The following TOX2 variants were observed in gnomAD, a reference collection of about 807,000 sequenced individuals.
The protein encoded by TOX2 is granulosa cell HMG box 1.
TOX2 carries 15 observed loss-of-function variants against 47.4 expected under a neutral mutation model. The observed-to-expected ratio is 0.32, with a 90% CI of 0.21 to 0.49. The LOEUF (loss-of-function observed/expected upper bound fraction) is 0.49. Among genes scored for constraint, TOX2 ranks in the 20% least tolerant of loss-of-function variants. TOX2 has a pLI of 0.99. For synonymous variants in TOX2, 290 were observed against 296.6 expected, an observed-to-expected ratio of 0.98 and a Z score of 0.23; for missense variants, 622 against 673.1, an observed-to-expected ratio of 0.92 and a Z score of 0.84.
intron 1 of TOX2, among the ~76,000 whole-genome samples, chr20:43,921,058 T>C (rs1215403887): frequency 2.0e-5 from 3 of 152,198 alleles, no homozygotes; most frequent in African/African-American, 7.2e-5. Context: ...GCTGTTGTCA[T>C]CTGAAGACTT....
At chr20:43,963,521 A>G (rs562398569) in intron 1 of TOX2, among the ~76,000 whole-genome samples, 1 of 152,120 alleles carries the variant, frequency 6.6e-6, no homozygotes, top group Non-Finnish European at 1.5e-5. Context: ...TACTCTTAGG[A>G]GTCAGCAGCC....
chr20:44,048,709 G>A (rs1317633363), intron 3 of TOX2, among the ~76,000 whole-genome samples: 1 of 151,454 alleles, frequency 6.6e-6, no homozygotes, highest in Non-Finnish European at 1.5e-5. Context: ...CAAACATACA[G>A]GCAAGGACAG....
intron 2 of TOX2, among the ~76,000 whole-genome samples, chr20:44,003,275 A>T (rs1305957591): frequency 6.7e-6 from 1 of 149,944 alleles, no homozygotes; most frequent in East Asian, 2.0e-4. Context: ...CAGCCTTGAC[A>T]TCCTGGGCTC....
chr20:43,951,705 A>ATTTTTTTTTTTTTTTTT (rs1212223106), intron 1 of TOX2, among the ~76,000 whole-genome samples: 4 of 30,392 alleles, frequency 1.3e-4, no homozygotes, highest in Non-Finnish European at 2.0e-4. Context: ...TAAACTTATT[A>ATTTTTTTTTTTTTTTTT]TGTTTTTTTT....
intron 5 of TOX2, 103 bp from the exon 6 acceptor site, chr20:44,064,674 T>A: frequency 9.1e-7 from 1 of 1,100,050 alleles, no homozygotes; most frequent in Non-Finnish European, 1.3e-6. Context: ...ACCACCCTCG[T>A]CCATTCGTGA....
rs116349653 is a variant in TOX2, at chr20:44,016,720, G to A, written c.411+9928G>A. ...TGCTGTTCGCTCTGCTGAGAAGGCT[G>A]TTCCACCTTGTCCACCCAGTGAACT... On this transcript the variant is annotated intron_variant, in intron 3 of 8. Coordinates refer to ENST00000341197, the MANE Select transcript of TOX2 (RefSeq NM_001098797.2). 5.6e-3 allele frequency among the ~76,000 whole-genome samples: 848 copies of A among 152,298 alleles called. 6 individuals are homozygous for A. Among genetic ancestry groups the A allele is most frequent in the African/African-American group, 0.02 (817 of 41,548 alleles).
chr20:44,000,773 T>C (rs758769086), intron 2 of TOX2, among the ~76,000 whole-genome samples: 34 of 152,070 alleles, frequency 2.2e-4, no homozygotes, highest in African/African-American at 7.7e-4. Flanking sequence ...TGGCCTGTGA[T>C]GTTGGCCATG....
At chr20:44,052,209 G>A (rs1401239046) in intron 4 of TOX2, among the ~76,000 whole-genome samples, 1 of 152,186 alleles carries the variant, frequency 6.6e-6, no homozygotes, top group Non-Finnish European at 1.5e-5. Context: ...CATTCCTGGA[G>A]TCTAGAGTGG....
rs1569132913 is a variant in TOX2 at position 44,048,391 on chromosome 20, TA to T, written c.412-2914del. Among the ~76,000 whole-genome samples, 15 of 122,910 alleles carry T rather than the reference TA, an allele frequency of 1.2e-4. 1 individual carries two copies. Among genetic ancestry groups the T allele is most frequent in the African/African-American group, 4.9e-4 (15 of 30,766 alleles). 80.6% of individuals were successfully genotyped at this position (122,910 alleles called of 152,430 possible). The stretch of plus-strand genomic sequence containing the variant: ...TTAGTATCTGGATAAAATGAATTTA[TA>T]TATATATATATATATATATATGTAT... On this transcript the variant is annotated intron_variant, in intron 3 of 8. Coordinates refer to ENST00000341197, the MANE Select transcript of TOX2 (RefSeq NM_001098797.2).
At chr20:43,920,354 A>G (rs563503208) in intron 1 of TOX2, among the ~76,000 whole-genome samples, 119 of 152,234 alleles carry the variant, frequency 7.8e-4, no homozygotes, top group African/African-American at 2.8e-3. Context: ...TATGGACTTG[A>G]TCTGGACTTG....
At chr20:44,007,866 T>C (rs1291518154) in intron 3 of TOX2, among the ~76,000 whole-genome samples, 1 of 152,092 alleles carries the variant, frequency 6.6e-6, no homozygotes, top group Non-Finnish European at 1.5e-5. Context: ...CCCCCTGAAA[T>C]CTTCAGCCCT....
intron 1 of TOX2, among the ~76,000 whole-genome samples, chr20:43,919,188 A>G (rs1021383909): frequency 2.0e-5 from 3 of 152,222 alleles, no homozygotes; most frequent in Non-Finnish European, 4.4e-5. Flanking sequence ...TCATTCTACC[A>G]AAAATATTTA....
At chr20:43,985,702 C>G (rs146637811) in intron 2 of TOX2, among the ~76,000 whole-genome samples, 287 of 152,258 alleles carry the variant, frequency 1.9e-3, no homozygotes, top group African/African-American at 6.6e-3. Flanking sequence ...GGTACATACT[C>G]AGCCCCAAGT....
chr20:43,991,027 G>A (rs775393466), intron 2 of TOX2, among the ~76,000 whole-genome samples: 11 of 152,124 alleles, frequency 7.2e-5, no homozygotes, highest in Admixed American at 2.0e-4. Context: ...TGTGTGCCTG[G>A]GTACCTGCAT....
At chr20:43,959,910 A>G (rs761862938) in intron 1 of TOX2, among the ~76,000 whole-genome samples, 3 of 152,192 alleles carry the variant, frequency 2.0e-5, no homozygotes, top group African/African-American at 4.8e-5. Context: ...ATGGGAGGTA[A>G]CGGGGCAAGA....
chr20:43,996,877 T>A (rs1018229668), intron 2 of TOX2, among the ~76,000 whole-genome samples: 12 of 152,108 alleles, frequency 7.9e-5, no homozygotes, highest in African/African-American at 2.9e-4. Context: ...TAACTCTCAA[T>A]ACATGAGAGT....
chr20:43,946,797 T>G (rs1177308960), intron 1 of TOX2, among the ~76,000 whole-genome samples: 1 of 152,114 alleles, frequency 6.6e-6, no homozygotes, highest in Non-Finnish European at 1.5e-5. Flanking sequence ...GGAGGCTATC[T>G]TGGTGATGGG....
At chr20:43,953,502 A>T (rs187629191) in intron 1 of TOX2, among the ~76,000 whole-genome samples, 1 of 151,422 alleles carries the variant, frequency 6.6e-6, no homozygotes, top group African/African-American at 2.4e-5. Context: ...ACTCTCAGCC[A>T]CTCTTTGAGC....
At chr20:43,974,945 C>T (rs1324844250) in intron 2 of TOX2, among the ~76,000 whole-genome samples, 5 of 152,202 alleles carry the variant, frequency 3.3e-5, no homozygotes, top group South Asian at 2.1e-4. Flanking sequence ...CATTGACATG[C>T]GCCAACATGC....
Sources: gnomAD v4.1 joint callset for allele counts (sites outside exome capture counted in the v4.1 genomes callset) on GRCh38, gnomAD v4.1.1 for gene constraint, MANE v1.5 for transcripts, NCBI Gene and HGNC (gene_info 2026-07-23, HGNC 2026-07-21) for gene names.